TSPAN1: variants seen among roughly 807,000 people sequenced by gnomAD.
TSPAN1 encodes the protein tetraspanin-1.
In TSPAN1, 23 loss-of-function variants were observed where a neutral mutation model predicts 26.9. The ratio of observed to expected loss-of-function variants is 0.85; its 90% CI spans 0.62 to 1.21. The LOEUF is 1.21. Among genes scored for constraint, TSPAN1 ranks in the 50% most tolerant of loss-of-function variants. TSPAN1 has a pLI of 0.00. For missense variants in TSPAN1, 283 were observed against 298.4 expected (o/e 0.95, Z 0.38); for synonymous variants, 115 against 114.8 (o/e 1.00, Z -0.01).
chr1:46,177,565 T>A (rs1345605953), intron 1 of TSPAN1, among the ~76,000 whole-genome samples: 1 of 152,022 alleles, frequency 6.6e-6, no homozygotes, highest in Non-Finnish European at 1.5e-5. Context: ...GACAGTAAAA[T>A]CACCAGCAAA....
chr1:46,189,334 G>A (rs748799436), downstream of TSPAN1: 3 of 1,613,878 alleles, frequency 1.9e-6, no homozygotes, highest in South Asian at 1.1e-5. Context: ...GAAAATTGGG[G>A]TGACTGAGGG....
At chr1:46,193,895 C>T in the TSPAN1 span, 15 of 1,614,222 alleles carry the variant, frequency 9.3e-6, no homozygotes, top group Middle Eastern at 1.6e-4. Context: ...ATGACAGCCA[C>T]AGGCACATTG....
At chr1:46,180,285 G>A (rs540570582) in intron 1 of TSPAN1, among the ~76,000 whole-genome samples, 1 of 152,346 alleles carries the variant, frequency 6.6e-6, no homozygotes, top group Admixed American at 6.5e-5. Flanking sequence ...ACACTGTTGT[G>A]GTGGAGGGCA....
chr1:46,186,583 G>A (rs1657432296), downstream of TSPAN1, among the ~76,000 whole-genome samples: 1 of 146,540 alleles, frequency 6.8e-6, no homozygotes, highest in Admixed American at 6.9e-5. Context: ...CTCTGCCTCC[G>A]GGTTCAAGCA....
chr1:46,189,655 T>C, downstream of TSPAN1: 3 of 1,531,156 alleles, frequency 2.0e-6, no homozygotes, highest in South Asian at 3.6e-5. Context: ...CCCCCACCCC[T>C]CCTCAGAAAC....
chr1:46,194,210 T>C, the TSPAN1 span: 1 of 1,613,528 alleles, frequency 6.2e-7, no homozygotes, highest in South Asian at 1.1e-5. Context: ...CCTAGATCAT[T>C]CCTGGGGCCC....
chr1:46,183,909 G>T, intron 3 of TSPAN1: 1 of 508,234 alleles, frequency 2.0e-6, no homozygotes, highest in Non-Finnish European at 3.6e-6. Context: ...GACCCTGGCA[G>T]CAGTGAGGGA....
intron 1 of TSPAN1, among the ~76,000 whole-genome samples, chr1:46,179,993 G>GTGTGTGTT (rs1657278017): frequency 6.6e-6 from 1 of 151,952 alleles, no homozygotes; most frequent in Admixed American, 6.6e-5. Flanking sequence ...GTGTGTTTGT[G>GTGTGTGTT]TGTGTGTGTG....
the TSPAN1 span, chr1:46,193,624 C>T: frequency 6.2e-7 from 1 of 1,614,200 alleles, no homozygotes; most frequent in Non-Finnish European, 8.5e-7. Flanking sequence ...GGGCTGAAAG[C>T]AGAGAGCGCA....
chr1:46,195,677 G>A, the TSPAN1 span: 1 of 830,544 alleles, frequency 1.2e-6, no homozygotes, highest in Non-Finnish European at 2.0e-6. Context: ...CAAATGTTAA[G>A]GCTGAGATTG....
chr1:46,191,643 C>CT, the TSPAN1 span: 240 of 251,208 alleles, frequency 9.6e-4, no homozygotes, highest in Middle Eastern at 4.4e-3. Context: ...ATTTTATCCT[C>CT]TTTTTTTTTG....
chr1:46,191,634 T>C, the TSPAN1 span: 1 of 257,430 alleles, frequency 3.9e-6, no homozygotes, highest in African/African-American at 2.2e-5. Context: ...GGTAGTAGTA[T>C]TTTATCCTCT....
chr1:46,185,530 A>G lies in TSPAN1; in HGVS notation c.723A>G (p.Gln241=), dbSNP rs147137223. ...IVSMYLYCNL[Q] ...CCATGTATCTGTACTGCAATCTACAATAAGTCCACTTCTGCCTCTGCCACT... is the reference window on the plus strand; with the variant it reads ...CCATGTATCTGTACTGCAATCTACAGTAAGTCCACTTCTGCCTCTGCCACT... Residue 241 remains glutamine, a synonymous_variant, in exon 9 of 9, where the codon CAA becomes CAG. Transcript: ENST00000372003. 35 of 1,614,064 alleles carry G rather than the reference A, an allele frequency of 2.2e-5. No individual in the cohort carries two copies. Among genetic ancestry groups the G allele is most frequent in the African/African-American group, 8.0e-5 (6 of 74,930 alleles).
At chr1:46,180,767 G>GT in intron 2 of TSPAN1, 109 bp downstream of exon 2, 1 of 344,848 alleles carries the variant, frequency 2.9e-6, no homozygotes. Context: ...TGGGGTTAGT[G>GT]TGGGGGGGAG....
In TSPAN1 at chr1:46,185,014, A is replaced by G. The variant is rs1171953744; in HGVS notation, c.493A>G (p.Lys165Glu). ...YTDFEDSPYF[K>E]ENSAFPPFCC... ...GGATTTTGAGGACTCACCCTACTTCAAAGAGAACAGTGCCTTTCCCCCATT... is the reference window on the plus strand; with the variant it reads ...GGATTTTGAGGACTCACCCTACTTCGAAGAGAACAGTGCCTTTCCCCCATT... Residue 165 changes from lysine (K) to glutamate (E), a missense_variant, in exon 7 of 9, where the codon AAA becomes GAA. Coordinates refer to ENST00000372003, the MANE Select transcript of TSPAN1 (RefSeq NM_005727.4). The G allele has an allele frequency of 6.2e-7, 1 of 1,614,014 alleles. No individual in the cohort carries two copies. The highest frequency in any genetic ancestry group is 8.5e-7 in the Non-Finnish European group (1 of 1,180,034).
chr1:46,192,566 T>G, the TSPAN1 span: 1 of 1,614,094 alleles, frequency 6.2e-7, no homozygotes, highest in Non-Finnish European at 8.5e-7. Flanking sequence ...CCTCCTCCAG[T>G]AGGTGGATGG....
chr1:46,181,500 G>C (rs550202190), intron 3 of TSPAN1, among the ~76,000 whole-genome samples: 2 of 152,360 alleles, frequency 1.3e-5, no homozygotes, highest in East Asian at 3.9e-4. Context: ...CCAGAAAATA[G>C]AAGGGCTCCA....
At chr1:46,194,813 C>T in the TSPAN1 span, 1 of 1,613,666 alleles carries the variant, frequency 6.2e-7, no homozygotes, top group African/African-American at 1.3e-5. Flanking sequence ...GCTCTTGATA[C>T]TACAGAGTGG....
At chr1:46,192,626 C>G in the TSPAN1 span, 1 of 1,611,676 alleles carries the variant, frequency 6.2e-7, no homozygotes, top group Non-Finnish European at 8.5e-7. Context: ...CAGGGAGGGA[C>G]AAGGATAAAT....
Sources: allele counts gnomAD v4.1 joint callset (sites outside exome capture counted in the v4.1 genomes callset), GRCh38; gene constraint gnomAD v4.1.1; transcripts MANE v1.5; gene names NCBI Gene and HGNC (gene_info 2026-07-23, HGNC 2026-07-21).